The following PTPRD variants were observed in gnomAD, a reference collection of about 807,000 sequenced individuals.
PTPRD encodes the protein receptor-type tyrosine-protein phosphatase delta.
In PTPRD, 34 loss-of-function variants were observed where a neutral mutation model predicts 214.5. That is an observed-to-expected ratio of 0.16 (90% CI 0.12 to 0.21). PTPRD has a LOEUF of 0.21. Ranked by LOEUF, PTPRD falls within the 10% of genes least tolerant of loss-of-function variation. The probability of loss-of-function intolerance (pLI) is 1.00; values close to 1 mark genes in which losing one functional copy is unlikely to be tolerated. For synonymous variants in PTPRD, 1,128 were observed against 845.7 expected (o/e 1.33, Z -5.79); for missense variants, 2,545 against 2,398.7 (o/e 1.06, Z -1.27).
chr9:10,165,495 G>A (rs2099153319), intron 3 of PTPRD, among the ~76,000 whole-genome samples: 1 of 151,766 alleles, frequency 6.6e-6, no homozygotes, highest in Non-Finnish European at 1.5e-5. Context: ...TTAGCTCTGT[G>A]TAGAAAATAA....
intron 5 of PTPRD, among the ~76,000 whole-genome samples, chr9:9,814,947 A>C (rs573357782): frequency 6.6e-6 from 1 of 151,800 alleles, no homozygotes; most frequent in Admixed American, 6.6e-5. Flanking sequence ...CTACAGGTGC[A>C]CGCCACCACA....
chr9:9,358,649 A>G (rs1392270173), intron 9 of PTPRD, among the ~76,000 whole-genome samples: 1 of 151,312 alleles, frequency 6.6e-6, no homozygotes, highest in Non-Finnish European at 1.5e-5. Context: ...CAACTTATCT[A>G]TAAGCTTAGC....
At chr9:9,864,515 A>T (rs534965770) in intron 5 of PTPRD, among the ~76,000 whole-genome samples, 2 of 151,926 alleles carry the variant, frequency 1.3e-5, no homozygotes, top group South Asian at 2.1e-4. Context: ...GTTTGTTTTT[A>T]CTTTTTGTTT....
chr9:9,902,203 G>A (rs748121805), intron 5 of PTPRD, among the ~76,000 whole-genome samples: 14 of 149,904 alleles, frequency 9.3e-5, no homozygotes, highest in South Asian at 2.1e-4. Flanking sequence ...GTGCATCAGC[G>A]CCCATGCATG....
chr9:9,571,184 T>A (rs551287566), intron 8 of PTPRD, among the ~76,000 whole-genome samples: 1 of 151,634 alleles, frequency 6.6e-6, no homozygotes, highest in Non-Finnish European at 1.5e-5. Context: ...TATGTTTGCA[T>A]AACTGATACA....
intron 4 of PTPRD, among the ~76,000 whole-genome samples, chr9:10,004,918 G>C (rs185056308): frequency 1.3e-5 from 2 of 152,246 alleles, no homozygotes; most frequent in African/African-American, 4.8e-5. Context: ...ATTTTTCCAA[G>C]TTGGTGTTTT....
intron 11 of PTPRD, among the ~76,000 whole-genome samples, chr9:8,823,623 C>T (rs1338298430): frequency 6.6e-6 from 1 of 151,292 alleles, no homozygotes; most frequent in Non-Finnish European, 1.5e-5. Context: ...TGCACTCCAG[C>T]CTGGGGAAAC....
chr9:9,088,305 G>C (rs1420604721), intron 10 of PTPRD, among the ~76,000 whole-genome samples: 1 of 151,536 alleles, frequency 6.6e-6, no homozygotes, highest in Non-Finnish European at 1.5e-5. Context: ...AATGAAATCT[G>C]GGCCGGGTGC....
rs1290983688 is a variant in PTPRD, at chr9:8,460,522, A to G, written c.3764T>C (p.Leu1255Pro). The G allele has an allele frequency of 6.2e-7, 1 of 1,613,562 alleles. No homozygotes were observed. Residue 1255 changes from leucine to proline, a missense_variant, in exon 33 of 46, where the codon CTG becomes CCG. By Grantham distance (98) the Leu-to-Pro change is moderately conservative. Coordinates refer to ENST00000381196, the MANE Select transcript of PTPRD (RefSeq NM_002839.4). ...PYSDPVVSMDLDPQPITDEEE... is the reference protein window; with the variant it reads ...PYSDPVVSMDPDPQPITDEEE... ...TTCATCCGTGATTGGCTGCGGATCC[A>G]GATCCATTGACACCACGGGGTCGGA...
At chr9:10,558,554 C>A (rs1396323100) in intron 2 of PTPRD, among the ~76,000 whole-genome samples, 2 of 152,108 alleles carry the variant, frequency 1.3e-5, no homozygotes, top group Admixed American at 6.6e-5. Flanking sequence ...TGGCCTTGGG[C>A]AAGCTACTTA....
chr9:8,905,573 T>C (rs189967257), intron 11 of PTPRD, among the ~76,000 whole-genome samples: 2 of 152,038 alleles, frequency 1.3e-5, no homozygotes, highest in East Asian at 3.9e-4. Context: ...ACCCCTTCTC[T>C]ACTAAAAATA....
In PTPRD at chr9:8,317,868, G is replaced by C. The variant is rs1477339915; in HGVS notation, c.*6C>G. The C allele has an allele frequency of 4.3e-6, 7 of 1,611,718 alleles. No individual in the cohort carries two copies. In the East Asian group the frequency reaches 1.1e-4, roughly 26 times the overall value. On this transcript the variant is annotated 3_prime_UTR_variant, in exon 46 of 46. Coordinates refer to ENST00000381196, the MANE Select transcript of PTPRD (RefSeq NM_002839.4). ...GTAGTAAAAATCCAGAATGGGTCAGGGGTTTCTACGTTGCATAGTGGTCAA... is the reference window on the plus strand; with the variant it reads ...GTAGTAAAAATCCAGAATGGGTCAGCGGTTTCTACGTTGCATAGTGGTCAA...
intron 14 of PTPRD, among the ~76,000 whole-genome samples, chr9:8,555,361 T>C (rs1484570456): frequency 6.6e-6 from 1 of 152,092 alleles, no homozygotes; most frequent in Non-Finnish European, 1.5e-5. Flanking sequence ...AAGCTGTGAC[T>C]GCGCCACTGC....
chr9:9,112,337 T>C (rs929423286), intron 10 of PTPRD, among the ~76,000 whole-genome samples: 2 of 152,094 alleles, frequency 1.3e-5, no homozygotes, highest in Non-Finnish European at 2.9e-5. Flanking sequence ...AGTTAGGGGA[T>C]CTGAGACACT....
At chr9:10,109,689 C>A (rs72694880) in intron 3 of PTPRD, among the ~76,000 whole-genome samples, 8,005 of 152,110 alleles carry the variant, frequency 0.053, 274 homozygotes, top group Admixed American at 0.1. Flanking sequence ...TACCTGACAA[C>A]GGGTTGAGTG....
chr9:8,745,447 A>T (rs2092683976), intron 11 of PTPRD, among the ~76,000 whole-genome samples: 1 of 152,192 alleles, frequency 6.6e-6, no homozygotes, highest in South Asian at 2.1e-4. Flanking sequence ...GGCAACCTTA[A>T]AGGCGGGGTA....
intron 9 of PTPRD, among the ~76,000 whole-genome samples, chr9:9,393,304 C>G (rs2066543975): frequency 6.6e-6 from 1 of 152,112 alleles, no homozygotes; most frequent in Non-Finnish European, 1.5e-5. Context: ...GGGACATTAG[C>G]AAGCTTGATA....
intron 35 of PTPRD, among the ~76,000 whole-genome samples, chr9:8,407,092 G>C (rs1381007631): frequency 6.6e-6 from 1 of 152,152 alleles, no homozygotes; most frequent in Non-Finnish European, 1.5e-5. Context: ...GCCTTCTGTA[G>C]GACTTACTTG....
chr9:10,119,089 C>A (rs1199184896), intron 3 of PTPRD, among the ~76,000 whole-genome samples: 1 of 151,844 alleles, frequency 6.6e-6, no homozygotes, highest in East Asian at 1.9e-4. Context: ...TAAGAAACAC[C>A]TCCTAAGTAA....
Sources: allele counts gnomAD v4.1 joint callset (sites outside exome capture counted in the v4.1 genomes callset), GRCh38; gene constraint gnomAD v4.1.1; transcripts MANE v1.5; gene names NCBI Gene and HGNC (gene_info 2026-07-23, HGNC 2026-07-21).